The following ASAP1 variants were observed in gnomAD, a reference collection of about 807,000 sequenced individuals.
ASAP1 encodes the protein arf-GAP with SH3 domain, ANK repeat and PH domain-containing protein 1.
Under a neutral mutation model 145.2 loss-of-function variants are expected in ASAP1, and 43 were observed. The ratio of observed to expected loss-of-function variants is 0.30; its 90% confidence interval spans 0.23 to 0.38. ASAP1 has a LOEUF of 0.38. Ranked by LOEUF, ASAP1 falls within the 10% of genes least tolerant of loss-of-function variation. The pLI is 1.00. For missense variants in ASAP1, 1,018 were observed against 1,355.3 expected, an observed-to-expected ratio of 0.75 and a Z score of 3.91; for synonymous variants, 546 against 515.5, an observed-to-expected ratio of 1.06 and a Z score of -0.80.
chr8:130,173,146 C>G (rs1813700208), intron 9 of ASAP1, among the ~76,000 whole-genome samples: 1 of 152,136 alleles, frequency 6.6e-6, no homozygotes, highest in Admixed American at 6.5e-5. Context: ...GAGGCAAGCC[C>G]CTTGCAGAAA....
chr8:130,162,999 T>C (rs777859509), intron 11 of ASAP1: 4 of 165,794 alleles, frequency 2.4e-5, no homozygotes, highest in East Asian at 1.5e-4. Context: ...TTTTGGCACA[T>C]TTGTTAAGTT....
chr8:130,426,700 T>A (rs1452940125), intron 1 of ASAP1, among the ~76,000 whole-genome samples: 1 of 152,224 alleles, frequency 6.6e-6, no homozygotes, highest in Non-Finnish European at 1.5e-5. Flanking sequence ...CAAACTGCCG[T>A]GTGCTCACTC....
intron 3 of ASAP1, among the ~76,000 whole-genome samples, chr8:130,306,136 T>C (rs191670323): frequency 1.3e-5 from 2 of 152,334 alleles, no homozygotes; most frequent in East Asian, 3.9e-4. Context: ...ATTTTTCATA[T>C]AAAGAATGGT....
At chr8:130,437,178 C>T (rs1407930876) in intron 1 of ASAP1, among the ~76,000 whole-genome samples, 1 of 151,988 alleles carries the variant, frequency 6.6e-6, no homozygotes, top group Non-Finnish European at 1.5e-5. Flanking sequence ...CACAGCTAAG[C>T]AGCTGAAGCC....
intron 7 of ASAP1, 40 bp downstream of exon 7, chr8:130,187,196 T>C: frequency 1.2e-5 from 19 of 1,556,262 alleles, no homozygotes; most frequent in Non-Finnish European, 1.6e-5. Context: ...CACAACAATA[T>C]TAAAAAACAA....
chr8:130,265,802 G>A (rs903174268), intron 3 of ASAP1, among the ~76,000 whole-genome samples: 1 of 152,108 alleles, frequency 6.6e-6, no homozygotes, highest in African/African-American at 2.4e-5. Flanking sequence ...ATCTGGGCCT[G>A]GGAGGTCGAG....
At chr8:130,146,016 GTTT>G (rs376317332) in intron 13 of ASAP1, among the ~76,000 whole-genome samples, 1 of 123,670 alleles carries the variant, frequency 8.1e-6, no homozygotes, top group Non-Finnish European at 1.7e-5. Flanking sequence ...TAAGTTTTGT[GTTT>G]TTTTTTTTTT....
rs191797727 is a variant in ASAP1 at position 130,212,223 on chromosome 8, A to G, written c.405+2333T>C. ...AGTAACCAAACTACAGTAGAAACTG[A>G]TTCTTCTACTTGGCTCCCTCACCAG... On this transcript the variant is annotated intron_variant, in intron 5 of 29. Coordinates refer to ENST00000518721, the MANE Select transcript of ASAP1 (RefSeq NM_018482.4). 2.4e-4 allele frequency among the ~76,000 whole-genome samples: 37 copies of G among 152,332 alleles called. No individual in the cohort carries two copies. The East Asian group carries it at 6.6e-3, about 27-fold the overall frequency.
At chr8:130,131,494 T>C (rs77255300) in intron 15 of ASAP1, among the ~76,000 whole-genome samples, 2,902 of 148,850 alleles carry the variant, frequency 0.019, 96 homozygotes, top group African/African-American at 0.067. Context: ...CTGGGCACTA[T>C]AGCTCACGCC....
At chr8:130,392,258 G>A (rs1828317798) in intron 2 of ASAP1, among the ~76,000 whole-genome samples, 1 of 152,214 alleles carries the variant, frequency 6.6e-6, no homozygotes. Context: ...CCTAAAGGGA[G>A]ACCTGCTGCC....
intron 1 of ASAP1, among the ~76,000 whole-genome samples, chr8:130,409,542 A>G (rs147384777): frequency 3.4e-4 from 52 of 152,106 alleles, no homozygotes; most frequent in East Asian, 5.8e-4. Context: ...TGATAACTCT[A>G]TCTTCCCAGG....
At chr8:130,312,540 G>A (rs190288800) in intron 3 of ASAP1, among the ~76,000 whole-genome samples, 1 of 152,138 alleles carries the variant, frequency 6.6e-6, no homozygotes, top group Non-Finnish European at 1.5e-5. Flanking sequence ...TTTTGATAGT[G>A]AATGTCCTCT....
chr8:130,212,859 T>C (rs1816671580), intron 5 of ASAP1, among the ~76,000 whole-genome samples: 1 of 152,208 alleles, frequency 6.6e-6, no homozygotes, highest in South Asian at 2.1e-4. Context: ...TCCAGGAACC[T>C]TGGAGGTGAT....
intron 5 of ASAP1, among the ~76,000 whole-genome samples, chr8:130,195,995 G>A (rs1815459078): frequency 6.6e-6 from 1 of 152,184 alleles, no homozygotes; most frequent in Non-Finnish European, 1.5e-5. Flanking sequence ...CTTAAGGGGA[G>A]GCCCTGTATC....
rs569665567 is a variant in ASAP1 at position 130,289,443 on chromosome 8, C to T, written c.187-52449G>A. Among the ~76,000 whole-genome samples, 5 of 152,182 alleles carry T rather than the reference C, an allele frequency of 3.3e-5. No individual in the cohort carries two copies. In the East Asian group the frequency reaches 7.7e-4, roughly 24 times the overall value. ...TTCTTTAAAATTTATTTTTAAACAG[C>T]GTATTCAAAGGGCACAAGAATATCA... is the stretch of plus-strand genomic sequence containing the variant. On this transcript the variant is annotated intron_variant, in intron 3 of 29. Transcript: ENST00000518721.
chr8:130,328,209 G>A (rs1361543782), intron 3 of ASAP1, among the ~76,000 whole-genome samples: 2 of 151,510 alleles, frequency 1.3e-5, no homozygotes, highest in Non-Finnish European at 2.9e-5. Flanking sequence ...ACGACTGGTG[G>A]ACAAAAAAAA....
rs572327249 is a variant in ASAP1, at chr8:130,332,431, T to C, written c.186+25586A>G. ...ATTTTTATGATCATTTCTGTGATTA[T>C]GTCATTGTACTTTAGTTTACAGTTT... is the stretch of plus-strand genomic sequence containing the variant. On this transcript the variant is annotated intron_variant, in intron 3 of 29. Transcript: ENST00000518721. 6.6e-5 allele frequency among the ~76,000 whole-genome samples: 10 copies of C among 152,366 alleles called. 1 individual carries two copies. In the East Asian group the frequency reaches 9.6e-4, roughly 15 times the overall value.
At chr8:130,223,917 GCATT>G (rs1338759036) in intron 4 of ASAP1, among the ~76,000 whole-genome samples, 2 of 151,998 alleles carry the variant, frequency 1.3e-5, no homozygotes, top group African/African-American at 2.4e-5. Flanking sequence ...TGGGATACAC[GCATT>G]ATTACACTCC....
At chr8:130,230,479 T>C (rs1331088766) in intron 4 of ASAP1, among the ~76,000 whole-genome samples, 1 of 152,194 alleles carries the variant, frequency 6.6e-6, no homozygotes, top group Non-Finnish European at 1.5e-5. Flanking sequence ...AGTAATGCTC[T>C]CCTGGGTAAG....
Sources: allele counts gnomAD v4.1 joint callset (sites outside exome capture counted in the v4.1 genomes callset), GRCh38; gene constraint gnomAD v4.1.1; transcripts MANE v1.5; gene names NCBI Gene and HGNC (gene_info 2026-07-23, HGNC 2026-07-21).